CDK5RAP1: variants seen among roughly 807,000 people sequenced by gnomAD.
CDK5RAP1 encodes mitochondrial tRNA methylthiotransferase CDK5RAP1.
In CDK5RAP1, 62 loss-of-function variants were observed where a neutral mutation model predicts 64.5. That is an observed-to-expected ratio of 0.96 (90% CI 0.78 to 1.19). The LOEUF (loss-of-function observed/expected upper bound fraction) is 1.19. CDK5RAP1 is among the 50% of genes most tolerant of loss of function. The pLI is 0.00. For synonymous variants in CDK5RAP1, 250 were observed against 261.9 expected (o/e 0.95, Z 0.44); for missense variants, 657 against 735.0 (o/e 0.89, Z 1.23).
At chr20:33,386,178 C>T (rs892499132) in intron 6 of CDK5RAP1, among the ~76,000 whole-genome samples, 1 of 152,196 alleles carries the variant, frequency 6.6e-6, no homozygotes, top group Non-Finnish European at 1.5e-5. Flanking sequence ...ATTCTCCTGC[C>T]TCAGCCTCCT....
rs900893683 is a variant in CDK5RAP1 at position 33,360,933 on chromosome 20, AAC to A, written c.1543-444_1543-443del. On this transcript the variant is annotated intron_variant, in intron 12 of 13. Transcript: ENST00000346416. Reference sequence around the variant, plus strand: ...GACTGAAAGGCAGAATCTCCAACACAACACACAGAAGACAGAGCCAGGAAGAT... The same window carrying A: ...GACTGAAAGGCAGAATCTCCAACACAACACAGAAGACAGAGCCAGGAAGAT... 5.8e-4 allele frequency among the ~76,000 whole-genome samples: 89 copies of A among 152,338 alleles called. 1 individual carries two copies. Among genetic ancestry groups the A allele is most frequent in the African/African-American group, 2.1e-3 (87 of 41,574 alleles).
At chr20:33,394,479 CTT>C (rs377029678) in intron 3 of CDK5RAP1, among the ~76,000 whole-genome samples, 35 of 140,398 alleles carry the variant, frequency 2.5e-4, no homozygotes, top group Admixed American at 2.2e-4. Flanking sequence ...TATTTTTTTC[CTT>C]TTTTTTTTTT....
At chr20:33,389,775 G>C (rs1988080748) in intron 5 of CDK5RAP1, among the ~76,000 whole-genome samples, 1 of 152,208 alleles carries the variant, frequency 6.6e-6, no homozygotes, top group African/African-American at 2.4e-5. Flanking sequence ...AGGGGGAAAT[G>C]TGGGGAAAAG....
Position 33,394,038 on chromosome 20 carries a change from G to C in CDK5RAP1, c.437C>G (p.Ser146Cys), listed in dbSNP as rs1306560896. The C allele has an allele frequency of 1.3e-6, 2 of 1,595,590 alleles. No individual in the cohort carries two copies. Among genetic ancestry groups the C allele is most frequent in the South Asian group, 1.1e-5 (1 of 90,722 alleles). Residue 146 changes from serine (S) to cysteine (C), a missense_variant, in exon 4 of 14, where the codon TCT becomes TGT. Coordinates refer to ENST00000346416, the MANE Select transcript of CDK5RAP1 (RefSeq NM_016408.4). ...EADVILLVTCSIREKAEQTIW... is the reference protein window; with the variant it reads ...EADVILLVTCCIREKAEQTIW... The stretch of plus-strand genomic sequence containing the variant: ...GAAAAGAACAAATTCGCACCTGATA[G>C]AGCATGTGACAAGGAGAATCACATC...
intron 5 of CDK5RAP1, among the ~76,000 whole-genome samples, chr20:33,388,936 GC>G (rs1987871167): frequency 6.6e-6 from 1 of 152,148 alleles, no homozygotes; most frequent in Non-Finnish European, 1.5e-5. Flanking sequence ...GCTCAATGTT[GC>G]CAGGCTGGAG....
At chr20:33,385,532 G>A in intron 7 of CDK5RAP1, 118 bp downstream of exon 7, 1 of 1,184,852 alleles carries the variant, frequency 8.4e-7, no homozygotes, top group Non-Finnish European at 1.2e-6. Context: ...AGTTCTTTCT[G>A]GCCAGGCATG....
intron 1 of CDK5RAP1, among the ~76,000 whole-genome samples, 171 bp downstream of exon 1, chr20:33,401,257 C>T (rs976107388): frequency 1.3e-5 from 2 of 152,216 alleles, no homozygotes; most frequent in Admixed American, 6.5e-5. Context: ...CGGGGTTAGG[C>T]GGCGGGGTTA....
At chr20:33,387,582 T>C in intron 5 of CDK5RAP1, 49 bp from the exon 6 acceptor site, 1 of 1,446,816 alleles carries the variant, frequency 6.9e-7, no homozygotes, top group African/African-American at 1.4e-5. Context: ...CACCTGGTGT[T>C]TAATGGCTTC....
At chr20:33,361,510 C>T (rs1040593954) in intron 12 of CDK5RAP1, among the ~76,000 whole-genome samples, 1 of 152,058 alleles carries the variant, frequency 6.6e-6, no homozygotes. Context: ...GCCTGGAATC[C>T]ACTACCAAAT....
intron 5 of CDK5RAP1, among the ~76,000 whole-genome samples, chr20:33,389,317 C>G (rs1327181096): frequency 4.0e-5 from 6 of 151,222 alleles, no homozygotes; most frequent in Non-Finnish European, 8.9e-5. Flanking sequence ...CCGGCCGCCC[C>G]GTCTGAGAAG....
chr20:33,372,283 A>AT (rs1985173049), intron 10 of CDK5RAP1, among the ~76,000 whole-genome samples: 1 of 151,762 alleles, frequency 6.6e-6, no homozygotes, highest in Non-Finnish European at 1.5e-5. Context: ...TTCTAAAAAA[A>AT]AAAAAAAAAG....
chr20:33,366,013 T>C (rs542104910), intron 12 of CDK5RAP1, among the ~76,000 whole-genome samples: 9 of 152,274 alleles, frequency 5.9e-5, no homozygotes, highest in African/African-American at 2.2e-4. Flanking sequence ...ATGGCTATGT[T>C]GGATGAATAA....
intron 10 of CDK5RAP1, among the ~76,000 whole-genome samples, chr20:33,370,842 C>A (rs1443337422): frequency 1.3e-5 from 2 of 152,188 alleles, no homozygotes; most frequent in Non-Finnish European, 2.9e-5. Flanking sequence ...CCTACATTTC[C>A]CCTAAGCACT....
At chr20:33,373,744 T>TA (rs372357888) in intron 9 of CDK5RAP1, 176 of 192,584 alleles carry the variant, frequency 9.1e-4, no homozygotes, top group East Asian at 1.7e-3. Context: ...GGTGCTTAAT[T>TA]AAAAAAAAAC....
chr20:33,387,558 C>T, intron 5 of CDK5RAP1, 25 bp from the exon 6 acceptor site: 1 of 1,588,674 alleles, frequency 6.3e-7, no homozygotes, highest in Non-Finnish European at 8.6e-7. Flanking sequence ...GAAACAAGCA[C>T]CTTTCCCCAA....
At chr20:33,380,148 T>C (rs951915893) in intron 7 of CDK5RAP1, among the ~76,000 whole-genome samples, 2 of 152,196 alleles carry the variant, frequency 1.3e-5, no homozygotes, top group African/African-American at 4.8e-5. Context: ...CAAAGGAGAC[T>C]CATGTCTGAT....
chr20:33,377,541 G>C (rs6059288), intron 8 of CDK5RAP1, among the ~76,000 whole-genome samples: 5 of 152,176 alleles, frequency 3.3e-5, no homozygotes, highest in Admixed American at 6.6e-5. Context: ...CTCTGGATTA[G>C]GCTTTGGCTT....
intron 12 of CDK5RAP1, among the ~76,000 whole-genome samples, chr20:33,364,104 G>A (rs1427389648): frequency 6.6e-6 from 1 of 151,524 alleles, no homozygotes; most frequent in African/African-American, 2.4e-5. Context: ...TTATTGTCAG[G>A]TATGATAATA....
chr20:33,400,132 C>A (rs1417396991), intron 1 of CDK5RAP1, among the ~76,000 whole-genome samples: 1 of 152,254 alleles, frequency 6.6e-6, no homozygotes, highest in Non-Finnish European at 1.5e-5. Flanking sequence ...GAAACTAATT[C>A]CGTGGCCAAT....
Sources: allele counts gnomAD v4.1 joint callset (sites outside exome capture counted in the v4.1 genomes callset), GRCh38; gene constraint gnomAD v4.1.1; transcripts MANE v1.5; gene names NCBI Gene and HGNC (gene_info 2026-07-23, HGNC 2026-07-21).